THOC1: variants seen among roughly 807,000 people sequenced by gnomAD.
THOC1 encodes the protein THO complex 1.
THOC1 carries 29 observed loss-of-function variants against 97.3 expected under a neutral mutation model. The observed-to-expected ratio is 0.30, with a 90% CI of 0.22 to 0.41. The LOEUF (loss-of-function observed/expected upper bound fraction) is 0.41. Ranked by LOEUF, THOC1 falls within the 10% of genes least tolerant of loss-of-function variation. The probability of loss-of-function intolerance (pLI) is 1.00; values close to 1 mark genes in which losing one functional copy is unlikely to be tolerated. For synonymous variants in THOC1, 255 were observed against 257.0 expected (o/e 0.99, Z 0.07); for missense variants, 529 against 761.9 (o/e 0.69, Z 3.60).
In THOC1 at chr18:254,168, T is replaced by C; in HGVS notation, c.603+105A>G. 1.3e-6 allele frequency: 1 copy of C among 795,398 alleles called. No homozygotes were observed. Among genetic ancestry groups the C allele is most frequent in the Non-Finnish European group, 2.1e-6 (1 of 474,378 alleles). The allele number at this position is 795,398 out of a possible 1,614,324, so 49.3% of individuals were successfully genotyped here. A position where few individuals can be genotyped will look rare whatever the true frequency, so the allele number is the denominator to read the frequency against. On this transcript the variant is annotated intron_variant, in intron 8 of 20. Coordinates refer to ENST00000261600, the MANE Select transcript of THOC1 (RefSeq NM_005131.3). The surrounding 1 kb of genome is among the most constrained non-coding windows in gnomAD (Gnocchi z 4.1). ...CTCAAGCGATCTGCCCACCTCAGCC[T>C]CCCAAAGTGCTAGGATTACAAGTGT... is the stretch of plus-strand genomic sequence containing the variant.
rs1180036459 is a variant in THOC1, at chr18:265,585, G to GA, written c.55-56dup. ...GTAAAGATTTTGCTTATTATTTGCTGAAAAATATATCGTTCATTGATAGTG... is the reference window on the plus strand; with the variant it reads ...GTAAAGATTTTGCTTATTATTTGCTGAAAAAATATATCGTTCATTGATAGTG... On this transcript the variant is annotated intron_variant, in intron 1 of 20. Transcript: ENST00000261600. 6 of 1,380,070 alleles carry GA rather than the reference G, an allele frequency of 4.3e-6. No homozygotes were observed. The African/African-American group carries it at 5.9e-5, about 14-fold the overall frequency. 85.5% of individuals were successfully genotyped at this position (1,380,070 alleles called of 1,614,324 possible).
chr18:243,469 C>A (rs1177941806), intron 11 of THOC1, among the ~76,000 whole-genome samples: 1 of 151,924 alleles, frequency 6.6e-6, no homozygotes, highest in Non-Finnish European at 1.5e-5. Context: ...ACCCAGGTGG[C>A]AGAGGTTGCA....
At chr18:241,593 T>C (rs1440469930) in intron 11 of THOC1, among the ~76,000 whole-genome samples, 1 of 152,194 alleles carries the variant, frequency 6.6e-6, no homozygotes, top group South Asian at 2.1e-4. Flanking sequence ...GAGTCTCAGA[T>C]GGAAAGTGAG....
chr18:252,992 A>G (rs1912329264), intron 8 of THOC1, among the ~76,000 whole-genome samples: 1 of 152,228 alleles, frequency 6.6e-6, no homozygotes, highest in Non-Finnish European at 1.5e-5. Flanking sequence ...ATAAATTCCA[A>G]CCAACATATA....
At chr18:221,904 G>A (rs967348301) in intron 17 of THOC1, among the ~76,000 whole-genome samples, 1 of 152,076 alleles carries the variant, frequency 6.6e-6, no homozygotes, top group Non-Finnish European at 1.5e-5. Context: ...CACCGCGCCT[G>A]GCCGATAGAT....
chr18:237,245 T>C (rs1385045044), intron 11 of THOC1, among the ~76,000 whole-genome samples: 1 of 151,068 alleles, frequency 6.6e-6, no homozygotes, highest in African/African-American at 2.4e-5. Context: ...CTACAACCTC[T>C]GCCTCCCGGG....
chr18:231,298 G>A (rs920110474), intron 11 of THOC1, among the ~76,000 whole-genome samples: 5 of 151,938 alleles, frequency 3.3e-5, no homozygotes, highest in Admixed American at 2.0e-4. Flanking sequence ...CAGTTTTCCC[G>A]ATATTCTAAC....
chr18:243,820 T>C (rs117833456), intron 11 of THOC1, among the ~76,000 whole-genome samples: 3,954 of 152,308 alleles, frequency 0.026, 76 homozygotes, highest in Middle Eastern at 0.044. Flanking sequence ...AAGGTTTCTA[T>C]ATTTGTTTCA....
chr18:267,311 GAATA>G (rs1912808581), intron 1 of THOC1, among the ~76,000 whole-genome samples: 1 of 152,080 alleles, frequency 6.6e-6, no homozygotes, highest in African/African-American at 2.4e-5. Context: ...CATGTACCAG[GAATA>G]ACCAACTTAG....
chr18:236,418 C>T (rs1238023339), intron 11 of THOC1, among the ~76,000 whole-genome samples: 11 of 139,686 alleles, frequency 7.9e-5, no homozygotes, highest in South Asian at 4.3e-4. Context: ...TGCAGTGGCG[C>T]GATCTCGGCT....
Position 268,016 on chromosome 18 carries a change from A to G in THOC1, c.4T>C (p.Ser2Pro). The G allele has an allele frequency of 1.2e-6, 2 of 1,602,050 alleles. No individual in the cohort carries two copies. Among genetic ancestry groups the G allele is most frequent in the Non-Finnish European group, 1.7e-6 (2 of 1,174,384 alleles). Residue 2 changes from serine to proline, a missense_variant, in exon 1 of 21, where the codon TCT becomes CCT. Physicochemically the swap from Ser to Pro is moderately conservative, Grantham distance 74. Coordinates refer to ENST00000261600, the MANE Select transcript of THOC1 (RefSeq NM_005131.3). M[S>P]PTPPLFSLPE... ...AAACTGAAGAGCGGCGGCGTCGGAG[A>G]CATCTTCTCGGCTGCGCGTGCCCGC...
intron 11 of THOC1, among the ~76,000 whole-genome samples, chr18:237,924 C>G (rs1471742263): frequency 6.6e-6 from 1 of 151,872 alleles, no homozygotes; most frequent in African/African-American, 2.4e-5. Flanking sequence ...TAGAGTGCAG[C>G]GGTGCAATCT....
chr18:235,574 AT>A (rs1911651040), intron 11 of THOC1, among the ~76,000 whole-genome samples: 2 of 152,134 alleles, frequency 1.3e-5, no homozygotes, highest in South Asian at 4.1e-4. Flanking sequence ...CAAATTTGGA[AT>A]TTCCATTATG....
intron 11 of THOC1, among the ~76,000 whole-genome samples, chr18:241,338 T>A (rs752305864): frequency 9.2e-5 from 14 of 152,276 alleles, no homozygotes; most frequent in Middle Eastern, 3.4e-3. Context: ...GTACAAAACA[T>A]TTAAGGCAGA....
chr18:247,879 A>G lies in THOC1; in HGVS notation c.756T>C (p.Tyr252=). 6.2e-7 allele frequency: 1 copy of G among 1,608,940 alleles called. No individual in the cohort carries two copies. The highest frequency in any genetic ancestry group is 8.5e-7 in the Non-Finnish European group (1 of 1,178,674). The change falls in exon 10 of 21, where the codon TAT becomes TAC. Residue 252 remains tyrosine (Y), a synonymous_variant. Coordinates refer to ENST00000261600, the MANE Select transcript of THOC1 (RefSeq NM_005131.3). ...GAAAAGTTTTCCATGAAATCTTCTC[A>G]TAGCATTGCACAGGGTTCCTGAAGT... is the stretch of plus-strand genomic sequence containing the variant. The part of the protein sequence containing the change: ...QDYFRNPVQC[Y]EKISWKTFLK...
chr18:224,461 C>T (rs1911204605), intron 15 of THOC1, among the ~76,000 whole-genome samples: 1 of 151,848 alleles, frequency 6.6e-6, no homozygotes, highest in Non-Finnish European at 1.5e-5. Context: ...CGCCTGTAAT[C>T]CCAGCAACTC....
intron 7 of THOC1, among the ~76,000 whole-genome samples, chr18:256,960 C>T (rs1449898080): frequency 6.6e-6 from 1 of 152,198 alleles, no homozygotes; most frequent in African/African-American, 2.4e-5. Flanking sequence ...AAGACCCCCA[C>T]CAGCAAAAAG....
chr18:246,468 A>G lies in THOC1; in HGVS notation c.787-13T>C. 6.4e-7 allele frequency: 1 copy of G among 1,558,916 alleles called. No homozygotes were observed. The highest frequency in any genetic ancestry group is 8.7e-7 in the Non-Finnish European group (1 of 1,151,480). ...CTTCTTCAGAATACTGCAAAATAAA[A>G]ATATTAGTTTTATTCGACATTGTTA... On this transcript the variant is annotated splice_polypyrimidine_tract_variant and intron_variant, in intron 10 of 20. Transcript: ENST00000261600.
intron 1 of THOC1, among the ~76,000 whole-genome samples, chr18:267,508 G>A (rs1912815112): frequency 1.3e-5 from 2 of 152,180 alleles, no homozygotes; most frequent in Non-Finnish European, 2.9e-5. Context: ...GTTAGACACG[G>A]TGGGTTAAGG....
Sources: allele counts gnomAD v4.1 joint callset (sites outside exome capture counted in the v4.1 genomes callset), GRCh38; gene constraint gnomAD v4.1.1; non-coding constraint Gnocchi (gnomAD v3.1); transcripts MANE v1.5; gene names NCBI Gene and HGNC (gene_info 2026-07-23, HGNC 2026-07-21).